Variants in BMPR1A observed in about 807,000 individuals in gnomAD.
BMPR1A encodes bone morphogenetic protein receptor type 1A, also known as bone morphogenetic protein receptor type-1A.
A neutral mutation model predicts 66.0 loss-of-function variants in BMPR1A; 7 were observed. The observed-to-expected ratio is 0.11, with a 90% CI of 0.06 to 0.20. The LOEUF is 0.20. BMPR1A is among the 10% of genes least tolerant of loss of function. The probability of loss-of-function intolerance (pLI) is 1.00; values close to 1 mark genes in which losing one functional copy is unlikely to be tolerated. For synonymous variants in BMPR1A, 200 were observed against 229.7 expected (o/e 0.87, Z 1.17); for missense variants, 408 against 669.1 (o/e 0.61, Z 4.31).
intron 7 of BMPR1A, among the ~76,000 whole-genome samples, chr10:86,908,663 G>A (rs543639136): frequency 1.3e-5 from 2 of 152,274 alleles, no homozygotes; most frequent in African/African-American, 4.8e-5. Context: ...CTATGTTCTT[G>A]TTCCTCCCAC....
Position 86,901,822 on chromosome 10 carries a change from G to T in BMPR1A, c.530+1696G>T, listed in dbSNP as rs182669907. Among the ~76,000 whole-genome samples the T allele has an allele frequency of 2.8e-4, 42 of 151,754 alleles. 1 individual carries two copies. The East Asian group carries it at 7.9e-3, about 29-fold the overall frequency. On this transcript the variant is annotated intron_variant, in intron 7 of 12. Transcript: ENST00000372037. ...TATTAAAATACTTTTTTTATACATT[G>T]GTTTCTTTATTACACAAGGGCACTG...
At chr10:86,771,741 A>G (rs1433843287) in intron 1 of BMPR1A, among the ~76,000 whole-genome samples, 2 of 152,106 alleles carry the variant, frequency 1.3e-5, no homozygotes, top group Non-Finnish European at 1.5e-5. Context: ...TAAATTTTCC[A>G]CAGTTAATCT....
At chr10:86,861,545 C>T (rs375383526) in intron 2 of BMPR1A, among the ~76,000 whole-genome samples, 14 of 152,204 alleles carry the variant, frequency 9.2e-5, no homozygotes, top group African/African-American at 3.1e-4. Context: ...TTCCCTTTGT[C>T]AGACCACATT....
At chr10:86,843,821 A>G (rs757828747) in intron 2 of BMPR1A, among the ~76,000 whole-genome samples, 1 of 152,244 alleles carries the variant, frequency 6.6e-6, no homozygotes, top group Non-Finnish European at 1.5e-5. Flanking sequence ...CATATAAACT[A>G]TACATCATTA....
chr10:86,832,400 A>AG (rs2133073816), intron 1 of BMPR1A, among the ~76,000 whole-genome samples: 1 of 150,296 alleles, frequency 6.7e-6, no homozygotes, highest in East Asian at 2.0e-4. Context: ...CGGGAGGCAG[A>AG]GGTTGTGGTG....
intron 1 of BMPR1A, among the ~76,000 whole-genome samples, chr10:86,757,457 T>G (rs1305354174): frequency 3.3e-5 from 5 of 152,186 alleles, no homozygotes; most frequent in Non-Finnish European, 5.9e-5. Context: ...GCCTGGTGAT[T>G]CCGTACTTCA....
At chr10:86,860,279 G>A (rs1346951362) in intron 2 of BMPR1A, among the ~76,000 whole-genome samples, 1 of 152,142 alleles carries the variant, frequency 6.6e-6, no homozygotes, top group Non-Finnish European at 1.5e-5. Context: ...ATACTTCACA[G>A]TGTTATGTGA....
At chr10:86,835,571 A>T in intron 1 of BMPR1A, among the ~76,000 whole-genome samples, 1 of 133,212 alleles carries the variant, frequency 7.5e-6, no homozygotes, top group Non-Finnish European at 1.7e-5. Context: ...AAAAAAAAAA[A>T]AAAAAAAAAA....
chr10:86,924,387 T>C lies in BMPR1A; in HGVS notation c.*668T>C, dbSNP rs1843711853. The C allele has an allele frequency of 4.3e-6, 1 of 234,556 alleles. No homozygotes were observed. Among genetic ancestry groups the C allele is most frequent in the South Asian group, 1.8e-4 (1 of 5,580 alleles). 14.5% of individuals were successfully genotyped at this position (234,556 alleles called of 1,614,324 possible). A position where few individuals can be genotyped will look rare whatever the true frequency, so the allele number is the denominator to read the frequency against. ...ATCTGACCAAGATTCGCCAATCTCA[T>C]ACAAGCCATTTACTTTGCAAGTGAG... On this transcript the variant is annotated 3_prime_UTR_variant, in exon 13 of 13. Transcript: ENST00000372037.
intron 1 of BMPR1A, among the ~76,000 whole-genome samples, chr10:86,781,857 CTTTTTTTTT>C (rs1162095658): frequency 4.7e-5 from 4 of 84,226 alleles, no homozygotes; most frequent in African/African-American, 9.6e-5. Context: ...GACAGGATTT[CTTTTTTTTT>C]TTTTTTTTTT....
Position 86,892,146 on chromosome 10 carries a change from G to A in BMPR1A, c.250G>A (p.Ala84Thr), listed in dbSNP as rs1456980302. The change falls in exon 5 of 13, where the codon GCC (alanine) becomes ACC (threonine). Residue 84 changes from alanine to threonine, a missense_variant. Transcript: ENST00000372037. ...TTTTAGAACTAATGGACATTGCTTT[G>A]CCATCATAGAAGAAGATGACCAGGG... Reference protein sequence around the residue: ...NTCITNGHCFAIIEEDDQGET... With the variant: ...NTCITNGHCFTIIEEDDQGET... The A allele has an allele frequency of 1.9e-6, 3 of 1,613,000 alleles. No individual in the cohort carries two copies. Among genetic ancestry groups the A allele is most frequent in the Non-Finnish European group, 2.5e-6 (3 of 1,179,144 alleles).
intron 1 of BMPR1A, among the ~76,000 whole-genome samples, chr10:86,812,832 A>G (rs964439788): frequency 1.3e-5 from 2 of 152,172 alleles, no homozygotes; most frequent in African/African-American, 4.8e-5. Flanking sequence ...TTTAGGCTTC[A>G]TTAGGGTTCA....
chr10:86,854,921 T>C (rs1589747824), intron 2 of BMPR1A: 1 of 196,120 alleles, frequency 5.1e-6, no homozygotes, highest in Non-Finnish European at 1.1e-5. Flanking sequence ...TAAGTTCTTT[T>C]TTTTTCTTTT....
At chr10:86,892,283 C>T in intron 5 of BMPR1A, 54 bp downstream of exon 5, 2 of 1,414,308 alleles carry the variant, frequency 1.4e-6, no homozygotes, top group South Asian at 2.3e-5. Context: ...CATATGAAAG[C>T]ATCGATTTCC....
At chr10:86,797,231 A>ATTTTTTTTT (rs1236270338) in intron 1 of BMPR1A, among the ~76,000 whole-genome samples, 5 of 83,792 alleles carry the variant, frequency 6.0e-5, no homozygotes, top group East Asian at 8.5e-4. Flanking sequence ...AGCCCGGCTA[A>ATTTTTTTTT]TTTTTTTTTT....
At chr10:86,905,712 T>C (rs1843375433) in intron 7 of BMPR1A, among the ~76,000 whole-genome samples, 2 of 151,924 alleles carry the variant, frequency 1.3e-5, no homozygotes, top group African/African-American at 4.8e-5. Flanking sequence ...TCTGGCTTTA[T>C]AATGGACCCT....
intron 1 of BMPR1A, among the ~76,000 whole-genome samples, chr10:86,811,230 A>G (rs1841965428): frequency 6.6e-6 from 1 of 151,798 alleles, no homozygotes; most frequent in African/African-American, 2.4e-5. Flanking sequence ...GTAGAGACAG[A>G]GTTTTGCCAT....
intron 1 of BMPR1A, among the ~76,000 whole-genome samples, chr10:86,777,594 A>T (rs145727850): frequency 3.3e-5 from 5 of 152,152 alleles, no homozygotes; most frequent in African/African-American, 4.8e-5. Flanking sequence ...GAAAAAAAAA[A>T]GAACATGTAT....
intron 3 of BMPR1A, among the ~76,000 whole-genome samples, chr10:86,886,218 C>G (rs1307591276): frequency 6.6e-6 from 1 of 152,144 alleles, no homozygotes; most frequent in Non-Finnish European, 1.5e-5. Flanking sequence ...ATGGTGAGGC[C>G]TGCAGGACCC....
Sources: allele counts gnomAD v4.1 joint callset (sites outside exome capture counted in the v4.1 genomes callset), GRCh38; gene constraint gnomAD v4.1.1; transcripts MANE v1.5; gene names NCBI Gene and HGNC (gene_info 2026-07-23, HGNC 2026-07-21).